KHDRBS2: variants seen among roughly 807,000 people sequenced by gnomAD.
KHDRBS2 encodes the protein KH domain-containing, RNA-binding, signal transduction-associated protein 2.
Under a neutral mutation model 44.3 loss-of-function variants are expected in KHDRBS2, and 26 were observed. The observed-to-expected ratio is 0.59, with a 90% CI of 0.43 to 0.81. The LOEUF (loss-of-function observed/expected upper bound fraction) is 0.81. KHDRBS2 is among the 40% of genes least tolerant of loss of function. The pLI, the probability that KHDRBS2 is intolerant of heterozygous loss-of-function variation, is 0.00. For missense variants in KHDRBS2, 476 were observed against 433.1 expected, an observed-to-expected ratio of 1.10 and a Z score of -0.88; for synonymous variants, 194 against 151.1, an observed-to-expected ratio of 1.28 and a Z score of -2.08.
At chr6:61,928,132 A>G (rs1809321234) in intron 4 of KHDRBS2, among the ~76,000 whole-genome samples, 1 of 152,104 alleles carries the variant, frequency 6.6e-6, no homozygotes, top group African/African-American at 2.4e-5. Flanking sequence ...AATGCTGAGA[A>G]TTTTCACAGG....
At chr6:61,902,983 T>C (rs1181903734) in intron 4 of KHDRBS2, among the ~76,000 whole-genome samples, 5 of 152,206 alleles carry the variant, frequency 3.3e-5, no homozygotes, top group East Asian at 3.8e-4. Flanking sequence ...TTCATGTTTA[T>C]ATTCTTCAGC....
intron 6 of KHDRBS2, among the ~76,000 whole-genome samples, chr6:61,783,139 A>G (rs951487152): frequency 2.6e-5 from 4 of 152,132 alleles, no homozygotes; most frequent in Non-Finnish European, 4.4e-5. Context: ...TAATTGTTTA[A>G]TGAAATGCAC....
chr6:62,140,938 G>A (rs1371195139), intron 2 of KHDRBS2, among the ~76,000 whole-genome samples: 1 of 152,190 alleles, frequency 6.6e-6, no homozygotes, highest in African/African-American at 2.4e-5. Flanking sequence ...CACAATTAGA[G>A]TGTCACTGAG....
At chr6:62,241,806 A>G (rs1412908502) in intron 1 of KHDRBS2, among the ~76,000 whole-genome samples, 1 of 152,198 alleles carries the variant, frequency 6.6e-6, no homozygotes, top group Non-Finnish European at 1.5e-5. Context: ...AAGATTTGTG[A>G]GCCAAGTACA....
intron 4 of KHDRBS2, among the ~76,000 whole-genome samples, chr6:61,903,066 C>T (rs896393532): frequency 1.3e-5 from 2 of 152,168 alleles, no homozygotes; most frequent in African/African-American, 4.8e-5. Context: ...ATTATAGTTT[C>T]TAACAAGCCA....
chr6:61,643,241 T>A, the KHDRBS2 span, among the ~76,000 whole-genome samples: 1 of 152,166 alleles, frequency 6.6e-6, no homozygotes, highest in Non-Finnish European at 1.5e-5. Flanking sequence ...GAAAGGAAAT[T>A]TTTTATGATA....
At position 61,901,235 on chromosome 6, in the gene KHDRBS2, T is replaced by G; in HGVS notation, c.611+9A>C. The G allele has an allele frequency of 1.9e-6, 3 of 1,606,872 alleles. No homozygotes were observed. The highest frequency in any genetic ancestry group is 8.5e-7 in the Non-Finnish European group (1 of 1,177,892). Reference sequence around the variant, plus strand: ...ATCCTTAATTTATTTAAAGTAAGAATGAATGTACCTTGAAGGAGCTGTGGG... The same window carrying G: ...ATCCTTAATTTATTTAAAGTAAGAAGGAATGTACCTTGAAGGAGCTGTGGG... On this transcript the variant is annotated intron_variant, in intron 5 of 8. Coordinates refer to ENST00000281156, the MANE Select transcript of KHDRBS2 (RefSeq NM_152688.4).
At chr6:62,083,467 T>C (rs1432366458) in intron 2 of KHDRBS2, among the ~76,000 whole-genome samples, 6 of 152,190 alleles carry the variant, frequency 3.9e-5, no homozygotes, top group Admixed American at 3.3e-4. Context: ...TGCAGGAGGC[T>C]GTCACACTGA....
At chr6:61,902,312 T>C (rs1804202729) in intron 4 of KHDRBS2, among the ~76,000 whole-genome samples, 1 of 152,058 alleles carries the variant, frequency 6.6e-6, no homozygotes. Context: ...TAAGGGAAAG[T>C]GAGAGCCAGA....
chr6:62,072,648 G>T (rs980595899), intron 2 of KHDRBS2, among the ~76,000 whole-genome samples: 8 of 152,214 alleles, frequency 5.3e-5, no homozygotes, highest in African/African-American at 1.9e-4. Context: ...TACATTTATT[G>T]ATTTGCATAT....
At chr6:62,095,647 A>G (rs1284552329) in intron 2 of KHDRBS2, among the ~76,000 whole-genome samples, 1 of 151,930 alleles carries the variant, frequency 6.6e-6, no homozygotes, top group East Asian at 1.9e-4. Context: ...ACTGTATATG[A>G]TCATGTTGTC....
intron 4 of KHDRBS2, among the ~76,000 whole-genome samples, chr6:61,930,540 AAAAAAG>A (rs1483303158): frequency 0.039 from 1,256 of 32,032 alleles, 257 homozygotes; most frequent in Non-Finnish European, 0.077. Flanking sequence ...AAAAAAAAAA[AAAAAAG>A]AAAAAAAAAA....
chr6:61,885,550 G>A (rs1800822098), intron 6 of KHDRBS2, among the ~76,000 whole-genome samples: 1 of 152,124 alleles, frequency 6.6e-6, no homozygotes, highest in South Asian at 2.1e-4. Flanking sequence ...TGAGATGGTA[G>A]GAGTATTCCT....
intron 6 of KHDRBS2, among the ~76,000 whole-genome samples, chr6:61,857,746 C>T (rs113693006): frequency 8.6e-4 from 130 of 151,928 alleles, no homozygotes; most frequent in African/African-American, 2.9e-3. Flanking sequence ...AGGGCAATGC[C>T]GATGGGACTA....
At position 61,914,517 on chromosome 6, in the gene KHDRBS2, G is replaced by C. The variant is rs1334747649; in HGVS notation, c.484-13146C>G. ...CACACCGGGGTCTGTTGTGGGGTAG[G>C]GGGAGGGGGGAGGGATAGCATTAGG... On this transcript the variant is annotated intron_variant, in intron 4 of 8. Transcript: ENST00000281156. Among the ~76,000 whole-genome samples the C allele has an allele frequency of 2.0e-5, 3 of 150,358 alleles. No homozygotes were observed. The East Asian group carries it at 6.0e-4, about 30-fold the overall frequency.
chr6:61,947,025 G>T (rs1249613724), intron 4 of KHDRBS2, among the ~76,000 whole-genome samples: 1 of 152,122 alleles, frequency 6.6e-6, no homozygotes, highest in East Asian at 1.9e-4. Context: ...TTTTAAAATT[G>T]TATTCTTGTT....
intron 5 of KHDRBS2, among the ~76,000 whole-genome samples, chr6:61,898,980 A>G (rs1466882210): frequency 6.6e-6 from 1 of 151,982 alleles, no homozygotes. Context: ...AGAGGGAATG[A>G]TCAATTAGTT....
chr6:62,274,492 ATTCT>A (rs1172431606), intron 1 of KHDRBS2, among the ~76,000 whole-genome samples: 2 of 152,130 alleles, frequency 1.3e-5, no homozygotes, highest in Non-Finnish European at 2.9e-5. Flanking sequence ...ACTCTTCTTG[ATTCT>A]TTCTCCTTTA....
intron 1 of KHDRBS2, among the ~76,000 whole-genome samples, chr6:62,208,264 G>A (rs1226457268): frequency 6.6e-6 from 1 of 152,022 alleles, no homozygotes; most frequent in African/African-American, 2.4e-5. Flanking sequence ...TTGTTGCACA[G>A]GCTTGAGTGC....
Sources: gnomAD v4.1 joint callset for allele counts (sites outside exome capture counted in the v4.1 genomes callset) on GRCh38, gnomAD v4.1.1 for gene constraint, MANE v1.5 for transcripts, NCBI Gene and HGNC (gene_info 2026-07-23, HGNC 2026-07-21) for gene names.